The following PCSK1 variants were observed in gnomAD, a reference collection of about 807,000 sequenced individuals.
PCSK1 encodes proprotein convertase subtilisin/kexin type 1.
A neutral mutation model predicts 90.6 loss-of-function variants in PCSK1; 56 were observed. The observed-to-expected ratio is 0.62, with a 90% CI of 0.50 to 0.77. The LOEUF is 0.77. Among genes scored for constraint, PCSK1 ranks in the 30% least tolerant of loss-of-function variants. PCSK1 has a pLI of 0.00. For missense variants in PCSK1, 801 were observed against 932.6 expected, an observed-to-expected ratio of 0.86 and a Z score of 1.84; for synonymous variants, 348 against 342.4, an observed-to-expected ratio of 1.02 and a Z score of -0.18.
At chr5:96,429,118 A>C in intron 2 of PCSK1, 95 bp downstream of exon 2, 1 of 733,668 alleles carries the variant, frequency 1.4e-6, no homozygotes. Flanking sequence ...ATAAAAAAAA[A>C]ACCACATTTG....
chr5:96,417,504 T>A (rs1022527854), intron 5 of PCSK1, among the ~76,000 whole-genome samples: 1 of 151,974 alleles, frequency 6.6e-6, no homozygotes. Flanking sequence ...GAAACCCCAC[T>A]CTTTCTTGAG....
intron 9 of PCSK1, among the ~76,000 whole-genome samples, chr5:96,407,172 C>G (rs527858682): frequency 7.6e-4 from 115 of 152,226 alleles, no homozygotes; most frequent in Middle Eastern, 3.4e-3. Context: ...AAGAAACAGA[C>G]TGACAAACAT....
Position 96,403,464 on chromosome 5 carries a change from G to T in PCSK1, c.1197-3278C>A, listed in dbSNP as rs933693188. Among the ~76,000 whole-genome samples, 4 of 152,130 alleles carry T rather than the reference G, an allele frequency of 2.6e-5. No individual in the cohort carries two copies. The South Asian group carries it at 6.2e-4, about 24-fold the overall frequency. On this transcript the variant is annotated intron_variant, in intron 9 of 13. Transcript: ENST00000311106. ...GGTGTATTTTTCTAACAGAGTTATT[G>T]TTCATTCGTGTGCTTGTATTTCATA...
intron 2 of PCSK1, among the ~76,000 whole-genome samples, 195 bp downstream of exon 2, chr5:96,429,018 C>G (rs1051895256): frequency 6.6e-6 from 1 of 151,868 alleles, no homozygotes; most frequent in African/African-American, 2.4e-5. Flanking sequence ...TTTGGCTCAA[C>G]CAATTCAACC....
chr5:96,405,677 A>T (rs1760535545), intron 9 of PCSK1, among the ~76,000 whole-genome samples: 1 of 152,176 alleles, frequency 6.6e-6, no homozygotes, highest in Non-Finnish European at 1.5e-5. Context: ...TCTCCAAAAG[A>T]AAAAGAAAAG....
rs146782924 is a variant in PCSK1 at position 96,417,444 on chromosome 5, G to C, written c.621-1323C>G. 5.3e-5 allele frequency among the ~76,000 whole-genome samples: 8 copies of C among 151,864 alleles called. No individual in the cohort carries two copies. The East Asian group carries it at 1.6e-3, about 29-fold the overall frequency. ...CTTTTTGTGATTTTTTTCAATCATG[G>C]GGCCCCTCCTCTCAGACAACTTTCA... On this transcript the variant is annotated intron_variant, in intron 5 of 13. Coordinates refer to ENST00000311106, the MANE Select transcript of PCSK1 (RefSeq NM_000439.5).
Position 96,408,281 on chromosome 5 carries a change from C to T in PCSK1, c.1138G>A (p.Gly380Ser). ...LHNDCTETHTGTSASAPLAAG... is the reference protein window; with the variant it reads ...LHNDCTETHTSTSASAPLAAG... ...GCCAGAGGTGCAGAGGCCGAGGTGC[C>T]TGTGTGCGTCTCCGTGCAGTCATTG... Residue 380 changes from glycine (G) to serine (S), a missense_variant, in exon 9 of 14, where the codon GGC (glycine) becomes AGC (serine). Coordinates refer to ENST00000311106, the MANE Select transcript of PCSK1 (RefSeq NM_000439.5). 6.2e-7 allele frequency: 1 copy of T among 1,614,116 alleles called. No individual in the cohort carries two copies. The highest frequency in any genetic ancestry group is 8.5e-7 in the Non-Finnish European group (1 of 1,179,990).
intron 9 of PCSK1, among the ~76,000 whole-genome samples, chr5:96,403,611 G>T (rs1262258963): frequency 6.6e-6 from 1 of 152,164 alleles, no homozygotes; most frequent in Non-Finnish European, 1.5e-5. Flanking sequence ...GCTAATCAAA[G>T]ATATGTTTAC....
intron 3 of PCSK1, among the ~76,000 whole-genome samples, chr5:96,425,008 AAAAGAAAG>A (rs200406743): frequency 0.076 from 8,929 of 117,282 alleles, 395 homozygotes; most frequent in Middle Eastern, 0.096. Context: ...AGAAAGAAAG[AAAAGAAAG>A]AAAGAAAGAA....
At chr5:96,402,861 T>G (rs1198966694) in intron 9 of PCSK1, among the ~76,000 whole-genome samples, 1 of 152,178 alleles carries the variant, frequency 6.6e-6, no homozygotes, top group Non-Finnish European at 1.5e-5. Flanking sequence ...TTAGGGATCC[T>G]CAGTGAGTCC....
chr5:96,425,575 T>C (rs1210739087), intron 3 of PCSK1, among the ~76,000 whole-genome samples: 2 of 152,184 alleles, frequency 1.3e-5, no homozygotes, highest in African/African-American at 4.8e-5. Context: ...CCAAATAAAC[T>C]TAAGAAGACA....
chr5:96,400,287 G>T, intron 9 of PCSK1, 101 bp from the exon 10 acceptor site: 1 of 797,368 alleles, frequency 1.3e-6, no homozygotes, highest in Non-Finnish European at 2.2e-6. Context: ...ATTATGAAGT[G>T]CCTTTTGCTA....
rs768934109 is a variant in PCSK1, at chr5:96,410,982, C to A, written c.887G>T (p.Arg296Ile). The change falls in exon 8 of 14, where the codon AGA (arginine) becomes ATA (isoleucine). Residue 296 changes from arginine to isoleucine, a missense_variant. Physicochemically the swap from Arg to Ile is moderately conservative, Grantham distance 97. Transcript: ENST00000311106. ...KAFEYGVKQG[R>I]QGKGSIFVWA... ...GACGAAGATGGACCCCTTCCCCTGT[C>A]TCCCCTAAAGGAAAAGCCAGAATGC... 1.2e-6 allele frequency: 2 copies of A among 1,612,134 alleles called. No individual in the cohort carries two copies. The highest frequency in any genetic ancestry group is 1.1e-5 in the South Asian group (1 of 91,012).
At chr5:96,421,992 TTAAAAA>T (rs1477592858) in intron 4 of PCSK1, 36 bp from the exon 5 acceptor site, 102 of 388,330 alleles carry the variant, frequency 2.6e-4, no homozygotes, top group Admixed American at 5.3e-4. Flanking sequence ...TGTGGCAGCA[TTAAAAA>T]AAAAAAAAAA....
At chr5:96,395,629 A>T (rs1205592445) in intron 12 of PCSK1, among the ~76,000 whole-genome samples, 1 of 152,068 alleles carries the variant, frequency 6.6e-6, no homozygotes, top group Non-Finnish European at 1.5e-5. Flanking sequence ...ACATCACACA[A>T]TGGGCCTGTC....
At chr5:96,417,370 T>G (rs1209677831) in intron 5 of PCSK1, among the ~76,000 whole-genome samples, 1 of 152,110 alleles carries the variant, frequency 6.6e-6, no homozygotes, top group Non-Finnish European at 1.5e-5. Context: ...AACACCTGCT[T>G]CTTTTATGTA....
At chr5:96,431,399 C>T (rs1447242482) in intron 1 of PCSK1, among the ~76,000 whole-genome samples, 2 of 152,234 alleles carry the variant, frequency 1.3e-5, no homozygotes, top group Non-Finnish European at 2.9e-5. Flanking sequence ...TTCCCTACTA[C>T]TTTCATTCCT....
rs761070031 is a variant in PCSK1, at chr5:96,397,478, C to G, written c.1589-9G>C. On this transcript the variant is annotated splice_polypyrimidine_tract_variant and intron_variant, in intron 11 of 13. Coordinates refer to ENST00000311106, the MANE Select transcript of PCSK1 (RefSeq NM_000439.5). ...GAGCACAGTGCTAGTTCCTATGAAACAAATACAAGTTAATGAATGTCCTAA... is the reference window on the plus strand; with the variant it reads ...GAGCACAGTGCTAGTTCCTATGAAAGAAATACAAGTTAATGAATGTCCTAA... 1 of 1,610,772 alleles carries G rather than the reference C, an allele frequency of 6.2e-7. No homozygotes were observed. The highest frequency in any genetic ancestry group is 1.7e-5 in the Admixed American group (1 of 60,002).
chr5:96,418,933 G>T (rs537583318), intron 5 of PCSK1, among the ~76,000 whole-genome samples: 1 of 152,096 alleles, frequency 6.6e-6, no homozygotes, highest in Admixed American at 6.6e-5. Context: ...ACTGAAAGAA[G>T]GTCTACCTCA....
Sources: allele counts gnomAD v4.1 joint callset (sites outside exome capture counted in the v4.1 genomes callset), GRCh38; gene constraint gnomAD v4.1.1; transcripts MANE v1.5; gene names NCBI Gene and HGNC (gene_info 2026-07-23, HGNC 2026-07-21).